NFATC1: variants seen among roughly 807,000 people sequenced by gnomAD.
NFATC1 encodes the protein nuclear factor of activated T cells 1.
Under a neutral mutation model 76.0 loss-of-function variants are expected in NFATC1, and 22 were observed. The observed-to-expected ratio is 0.29, with a 90% CI of 0.21 to 0.41. The LOEUF is 0.41. Among genes scored for constraint, NFATC1 ranks in the 10% least tolerant of loss-of-function variants. NFATC1 has a pLI of 1.00. For missense variants in NFATC1, 1,357 were observed against 1,337.7 expected, an observed-to-expected ratio of 1.01 and a Z score of -0.23; for synonymous variants, 704 against 613.1, an observed-to-expected ratio of 1.15 and a Z score of -2.19.
intron 3 of NFATC1, among the ~76,000 whole-genome samples, chr18:79,442,012 C>T (rs1405257891): frequency 1.3e-5 from 2 of 152,172 alleles, no homozygotes; most frequent in East Asian, 1.9e-4. Context: ...GCCCTGGCTC[C>T]GTGGCCCTGT....
At chr18:79,494,049 A>G (rs888089186) in intron 9 of NFATC1, among the ~76,000 whole-genome samples, 3 of 152,210 alleles carry the variant, frequency 2.0e-5, no homozygotes, top group Admixed American at 6.5e-5. Flanking sequence ...GCCCGAGGTG[A>G]GGCGGCCACC....
intron 2 of NFATC1, among the ~76,000 whole-genome samples, chr18:79,428,312 C>T (rs115599139): frequency 2.6e-5 from 4 of 152,180 alleles, no homozygotes; most frequent in Non-Finnish European, 5.9e-5. Context: ...TTCAGTCTTG[C>T]ACTGGTGTTT....
intron 6 of NFATC1, among the ~76,000 whole-genome samples, chr18:79,459,389 G>T (rs4799057): frequency 6.6e-6 from 1 of 152,144 alleles, no homozygotes; most frequent in South Asian, 2.1e-4. Flanking sequence ...AGGAGGCCGC[G>T]GGGGAGACGG....
chr18:79,527,258 C>T (rs982881597), intron 9 of NFATC1: 2 of 403,106 alleles, frequency 5.0e-6, no homozygotes. Context: ...CGGCCGGCAC[C>T]TGGCACCTGC....
chr18:79,440,408 T>C (rs889242074), intron 3 of NFATC1, among the ~76,000 whole-genome samples: 5 of 152,330 alleles, frequency 3.3e-5, no homozygotes, highest in African/African-American at 1.2e-4. Context: ...ACACGTCACC[T>C]GGAGACCACA....
chr18:79,422,954 C>A (rs1401149082), intron 2 of NFATC1, among the ~76,000 whole-genome samples: 4 of 151,380 alleles, frequency 2.6e-5, no homozygotes, highest in Admixed American at 2.6e-4. Flanking sequence ...GGTTCAGGGT[C>A]TTGAGCTCAG....
intron 8 of NFATC1, among the ~76,000 whole-genome samples, chr18:79,480,969 C>T (rs939213435): frequency 6.6e-6 from 1 of 152,250 alleles, no homozygotes; most frequent in Non-Finnish European, 1.5e-5. Flanking sequence ...CTGAAAATTA[C>T]CAGCCTAATT....
At chr18:79,423,576 A>G (rs1234007406) in intron 2 of NFATC1, among the ~76,000 whole-genome samples, 1 of 152,146 alleles carries the variant, frequency 6.6e-6, no homozygotes, top group Non-Finnish European at 1.5e-5. Flanking sequence ...TGCCTGCACC[A>G]CTGTCCTGGT....
chr18:79,497,608 C>T (rs778618369), intron 9 of NFATC1: 7 of 152,078 alleles, frequency 4.6e-5, no homozygotes, highest in South Asian at 2.1e-4. Context: ...CAGGTGACCC[C>T]GGGGACTTTG....
intron 9 of NFATC1, among the ~76,000 whole-genome samples, chr18:79,498,574 T>C (rs1439670312): frequency 1.3e-5 from 2 of 152,148 alleles, no homozygotes; most frequent in Non-Finnish European, 2.9e-5. Context: ...ACATGCATAA[T>C]GAGTTATAGA....
intron 2 of NFATC1, among the ~76,000 whole-genome samples, chr18:79,411,935 C>T (rs369422772): frequency 6.6e-6 from 1 of 152,224 alleles, no homozygotes; most frequent in Admixed American, 6.5e-5. Flanking sequence ...TGCCTGGCCC[C>T]CCTCGGTGGT....
At chr18:79,503,542 T>C (rs1246904307) in intron 9 of NFATC1, among the ~76,000 whole-genome samples, 1 of 152,184 alleles carries the variant, frequency 6.6e-6, no homozygotes, top group Non-Finnish European at 1.5e-5. Flanking sequence ...GGTGCCGTCA[T>C]CCGGGCTTTG....
intron 3 of NFATC1, among the ~76,000 whole-genome samples, chr18:79,442,052 C>T (rs3786190): frequency 0.24 from 37,009 of 151,882 alleles, 4,656 homozygotes; most frequent in African/African-American, 0.31. Flanking sequence ...GGGTTCGTGC[C>T]GAGCGCCATT....
intron 2 of NFATC1, among the ~76,000 whole-genome samples, chr18:79,433,068 A>T (rs1164742791): frequency 2.0e-5 from 3 of 152,174 alleles, no homozygotes; most frequent in Admixed American, 6.5e-5. Context: ...GCCCTCAGTC[A>T]GGGCCTTCTG....
intron 1 of NFATC1, among the ~76,000 whole-genome samples, chr18:79,403,877 G>A (rs1255665906): frequency 2.0e-5 from 3 of 152,238 alleles, no homozygotes; most frequent in African/African-American, 4.8e-5. Flanking sequence ...TGGCAGAGAC[G>A]CCTGGTGAGC....
chr18:79,518,114 C>T (rs907606269), intron 9 of NFATC1, among the ~76,000 whole-genome samples: 2 of 152,234 alleles, frequency 1.3e-5, no homozygotes, highest in Non-Finnish European at 2.9e-5. Flanking sequence ...CTCCAGCTGG[C>T]ACAGTCACCA....
At chr18:79,400,130 C>G in intron 1 of NFATC1, 1 of 932,056 alleles carries the variant, frequency 1.1e-6, no homozygotes, top group East Asian at 7.2e-5. Flanking sequence ...TGCGGTCGCG[C>G]GCGCGCGAGG....
chr18:79,492,266 T>C (rs536930107), intron 9 of NFATC1, among the ~76,000 whole-genome samples: 6 of 152,196 alleles, frequency 3.9e-5, no homozygotes, highest in African/African-American at 1.4e-4. Flanking sequence ...CCTGTGCGTC[T>C]CAAAGAAGTC....
chr18:79,466,360 C>G (rs1044675006), intron 7 of NFATC1, among the ~76,000 whole-genome samples: 1 of 152,198 alleles, frequency 6.6e-6, no homozygotes, highest in African/African-American at 2.4e-5. Flanking sequence ...TTTATAGATG[C>G]GACTCCCGCC....
Sources: allele counts gnomAD v4.1 joint callset (sites outside exome capture counted in the v4.1 genomes callset), GRCh38; gene constraint gnomAD v4.1.1; transcripts MANE v1.5; gene names NCBI Gene and HGNC (gene_info 2026-07-23, HGNC 2026-07-21).